Variants in ASCC3 observed in about 807,000 individuals in gnomAD.
The protein encoded by ASCC3 is activating signal cointegrator 1 complex subunit 3, also known as ASC-1 complex subunit P200.
In ASCC3, 158 loss-of-function variants were observed where a neutral mutation model predicts 256.3. That is an observed-to-expected ratio of 0.62 (90% CI 0.54 to 0.70). The LOEUF is 0.70. Ranked by LOEUF, ASCC3 falls within the 30% of genes least tolerant of loss-of-function variation. The probability of loss-of-function intolerance (pLI) is 0.00; values close to 1 mark genes in which losing one functional copy is unlikely to be tolerated. For missense variants in ASCC3, 2,259 were observed against 2,626.0 expected (o/e 0.86, Z 3.05); for synonymous variants, 948 against 883.4 (o/e 1.07, Z -1.30).
intron 4 of ASCC3, among the ~76,000 whole-genome samples, chr6:100,820,689 A>C (rs1344676695): frequency 1.4e-5 from 2 of 146,260 alleles, no homozygotes; most frequent in African/African-American, 5.0e-5. Context: ...ACCACCATGA[A>C]AGTGAAAAGG....
At chr6:100,631,290 A>G (rs995926828) in intron 25 of ASCC3, 77 bp from the exon 26 acceptor site, 2 of 1,148,434 alleles carry the variant, frequency 1.7e-6, no homozygotes, top group African/African-American at 1.5e-5. Flanking sequence ...AACTCCAAAA[A>G]ATTTGTCAAA....
At chr6:100,636,228 A>G (rs527858141) in intron 25 of ASCC3, among the ~76,000 whole-genome samples, 22 of 152,120 alleles carry the variant, frequency 1.4e-4, no homozygotes, top group Non-Finnish European at 2.1e-4. Context: ...TGTTCACTTC[A>G]TGCCTCTGTT....
At chr6:100,702,483 T>C (rs1433361811) in intron 13 of ASCC3, among the ~76,000 whole-genome samples, 2 of 152,104 alleles carry the variant, frequency 1.3e-5, no homozygotes, top group East Asian at 1.9e-4. Context: ...CACAGGATCA[T>C]ATGGATCCAG....
chr6:100,523,919 T>C (rs1037217474), intron 37 of ASCC3, among the ~76,000 whole-genome samples: 2 of 152,144 alleles, frequency 1.3e-5, no homozygotes, highest in African/African-American at 4.8e-5. Flanking sequence ...TCAGACAGTG[T>C]AGAGAGTATG....
chr6:100,806,292 C>T (rs1209720283), intron 4 of ASCC3, among the ~76,000 whole-genome samples: 1 of 151,862 alleles, frequency 6.6e-6, no homozygotes, highest in Non-Finnish European at 1.5e-5. Flanking sequence ...CGTTAAAGAA[C>T]CATTAGAATG....
intron 3 of ASCC3, chr6:100,856,370 G>A: frequency 2.0e-6 from 2 of 982,160 alleles, no homozygotes; most frequent in Non-Finnish European, 2.4e-6. Context: ...AGGGTACATA[G>A]GAGTTCTCAC....
chr6:100,526,916 A>G (rs2114633330), intron 37 of ASCC3, among the ~76,000 whole-genome samples: 1 of 152,332 alleles, frequency 6.6e-6, no homozygotes, highest in African/African-American at 2.4e-5. Flanking sequence ...ACTTACAATA[A>G]GTAAACTACA....
At chr6:100,850,748 TTAAGAA>T (rs1241062251) in intron 3 of ASCC3, among the ~76,000 whole-genome samples, 1 of 152,196 alleles carries the variant, frequency 6.6e-6, no homozygotes, top group East Asian at 1.9e-4. Context: ...CTTTTAGTAT[TTAAGAA>T]AATATATGAA....
Position 100,550,534 on chromosome 6 carries a change from T to C in ASCC3, c.5551-10147A>G, listed in dbSNP as rs73500939. Reference sequence around the variant, plus strand: ...ACTTCATTTGGTGCTAAAGAAACAATGATCTGCTCCAATGGTAGAGGAAAA... The same window carrying C: ...ACTTCATTTGGTGCTAAAGAAACAACGATCTGCTCCAATGGTAGAGGAAAA... On this transcript the variant is annotated intron_variant, in intron 36 of 41. Coordinates refer to ENST00000369162, the MANE Select transcript of ASCC3 (RefSeq NM_006828.4). 9.8e-3 allele frequency among the ~76,000 whole-genome samples: 1,488 copies of C among 152,108 alleles called. 24 individuals carry two copies. Among genetic ancestry groups the C allele is most frequent in the African/African-American group, 0.034 (1,428 of 41,542 alleles).
intron 37 of ASCC3, among the ~76,000 whole-genome samples, chr6:100,523,330 A>G (rs1041227117): frequency 6.6e-6 from 1 of 152,092 alleles, no homozygotes; most frequent in Non-Finnish European, 1.5e-5. Context: ...TACTCATACT[A>G]TATAGCTATT....
chr6:100,827,975 G>A (rs1039260809), intron 4 of ASCC3, among the ~76,000 whole-genome samples: 3 of 150,870 alleles, frequency 2.0e-5, no homozygotes, highest in Admixed American at 2.0e-4. Context: ...TAATATACAA[G>A]GACTGATATT....
At chr6:100,831,988 A>T (rs1315642748) in intron 4 of ASCC3, among the ~76,000 whole-genome samples, 1 of 152,184 alleles carries the variant, frequency 6.6e-6, no homozygotes, top group Non-Finnish European at 1.5e-5. Context: ...AAATAGTACA[A>T]AGAATTCACC....
rs1779054139 is a variant in ASCC3, at chr6:100,715,606, C to T, written c.2080-73G>A. ...CTTTCTAACTACAAATAAAATTTTG[C>T]CAATTACAATGCATTTTTTAAGCTT... On this transcript the variant is annotated intron_variant, in intron 12 of 41. Coordinates refer to ENST00000369162, the MANE Select transcript of ASCC3 (RefSeq NM_006828.4). The T allele has an allele frequency of 4.5e-6, 6 of 1,336,400 alleles. No homozygotes were observed. The Admixed American group carries it at 1.1e-4, about 25-fold the overall frequency. 82.8% of individuals were successfully genotyped at this position (1,336,400 alleles called of 1,614,324 possible).
chr6:100,647,305 T>G lies in ASCC3; in HGVS notation c.3399A>C (p.Leu1133=). 6.2e-7 allele frequency: 1 copy of G among 1,614,022 alleles called. No individual in the cohort carries two copies. Among genetic ancestry groups the G allele is most frequent in the Non-Finnish European group, 8.5e-7 (1 of 1,179,950 alleles). Residue 1133 remains leucine, a synonymous_variant, in exon 21 of 42, where the codon CTA becomes CTC. Coordinates refer to ENST00000369162, the MANE Select transcript of ASCC3 (RefSeq NM_006828.4). The part of the protein sequence containing the change: ...WASPLRQFSI[L]PPHILTRLEE... ...CTAATCTTGTTAGGATGTGTGGTGG[T>G]AGGATTGAAAATTGTCTCAAAGGGC...
intron 11 of ASCC3, among the ~76,000 whole-genome samples, chr6:100,723,880 A>ATATATTTATAAT (rs1271424012): frequency 7.4e-6 from 1 of 134,810 alleles, no homozygotes; most frequent in Admixed American, 7.6e-5. Flanking sequence ...ATATATATAT[A>ATATATTTATAAT]TATATATATA....
At chr6:100,859,615 C>G (rs2114534662) in intron 3 of ASCC3, among the ~76,000 whole-genome samples, 1 of 152,074 alleles carries the variant, frequency 6.6e-6, no homozygotes, top group East Asian at 1.9e-4. Flanking sequence ...TTTTTAACAG[C>G]AAAATCTTAC....
At chr6:100,721,353 G>A (rs1779321486) in intron 11 of ASCC3, among the ~76,000 whole-genome samples, 1 of 151,706 alleles carries the variant, frequency 6.6e-6, no homozygotes, top group South Asian at 2.1e-4. Flanking sequence ...GTAATAGTAT[G>A]GCTCCTTGAA....
chr6:100,536,821 C>A (rs780978894), intron 37 of ASCC3, among the ~76,000 whole-genome samples: 34 of 152,196 alleles, frequency 2.2e-4, no homozygotes, highest in Non-Finnish European at 3.5e-4. Flanking sequence ...TTCTTAAAAA[C>A]AAAATGGCCG....
intron 37 of ASCC3, among the ~76,000 whole-genome samples, chr6:100,523,622 C>T (rs1020494505): frequency 1.3e-5 from 2 of 152,234 alleles, no homozygotes; most frequent in East Asian, 1.9e-4. Flanking sequence ...GACTTGGATA[C>T]ACCACATGTC....
Sources: allele counts gnomAD v4.1 joint callset (sites outside exome capture counted in the v4.1 genomes callset), GRCh38; gene constraint gnomAD v4.1.1; transcripts MANE v1.5; gene names NCBI Gene and HGNC (gene_info 2026-07-23, HGNC 2026-07-21).